The following OIT3 variants were observed in gnomAD, a reference collection of about 807,000 sequenced individuals.
OIT3 encodes the protein oncoprotein induced transcript 3, also known as oncoprotein-induced transcript 3 protein.
In OIT3, 41 loss-of-function variants were observed where a neutral mutation model predicts 52.2. That is an observed-to-expected ratio of 0.79 (90% CI 0.61 to 1.02). The LOEUF (loss-of-function observed/expected upper bound fraction) is 1.02, where lower values mean the gene tolerates loss of function less well. Ranked by LOEUF, OIT3 falls within the 50% of genes least tolerant of loss-of-function variation. The probability of loss-of-function intolerance (pLI) is 0.00; values close to 1 mark genes in which losing one functional copy is unlikely to be tolerated. For missense variants in OIT3, 634 were observed against 715.5 expected (o/e 0.89, Z 1.30); for synonymous variants, 244 against 276.9 (o/e 0.88, Z 1.18).
chr10:72,922,995 C>T (rs1215656904), intron 6 of OIT3, among the ~76,000 whole-genome samples: 1 of 152,178 alleles, frequency 6.6e-6, no homozygotes, highest in East Asian at 1.9e-4. Flanking sequence ...CCTGCCTCAG[C>T]CTCTTGAGTA....
At position 72,932,484 on chromosome 10, in the gene OIT3, C is replaced by A. The variant is rs145480078; in HGVS notation, c.1598C>A (p.Thr533Lys). The change falls in exon 9 of 9, where the codon ACG becomes AAG. Residue 533 changes from threonine (T) to lysine (K), a missense_variant. Thr to Lys is a moderately conservative substitution (Grantham distance 78). Transcript: ENST00000334011. ...GACTCAGCCGGTCTACAGGGCCAGA[C>A]GCTAACAGGCGGCCCGATCCGCATC... is the stretch of plus-strand genomic sequence containing the variant. ...GEDSAGLQGQ[T>K]LTGGPIRIDW... 6.2e-7 allele frequency: 1 copy of A among 1,612,892 alleles called. No homozygotes were observed. The highest frequency in any genetic ancestry group is 1.7e-4 in the Middle Eastern group (1 of 6,044).
At chr10:72,904,098 A>G (rs1245283465) in intron 3 of OIT3, among the ~76,000 whole-genome samples, 1 of 152,276 alleles carries the variant, frequency 6.6e-6, no homozygotes, top group East Asian at 1.9e-4. Context: ...ATGGAAAAGC[A>G]CTGTGAAAAT....
chr10:72,907,829 A>G (rs1375693290), intron 4 of OIT3, among the ~76,000 whole-genome samples: 1 of 152,244 alleles, frequency 6.6e-6, no homozygotes, highest in Non-Finnish European at 1.5e-5. Context: ...AACTAATAAA[A>G]AAGAATTCAT....
chr10:72,920,887 G>A (rs1029681331), intron 6 of OIT3, among the ~76,000 whole-genome samples: 3 of 152,174 alleles, frequency 2.0e-5, no homozygotes, highest in Admixed American at 2.0e-4. Flanking sequence ...GTGATGAGAA[G>A]AATGTATATT....
intron 2 of OIT3, 60 bp downstream of exon 2, chr10:72,899,098 G>T (rs1241679158): frequency 3.3e-6 from 5 of 1,509,208 alleles, no homozygotes; most frequent in Non-Finnish European, 4.5e-6. Context: ...GAGTCCAAAA[G>T]TGCCAATTAT....
chr10:72,929,050 A>T (rs1258409610), intron 7 of OIT3, among the ~76,000 whole-genome samples: 3 of 151,790 alleles, frequency 2.0e-5, no homozygotes, highest in Non-Finnish European at 4.4e-5. Context: ...CTCTACAAAA[A>T]ATGAAAATTA....
chr10:72,911,930 G>T (rs771452535), intron 5 of OIT3, 91 bp downstream of exon 5: 26 of 1,208,312 alleles, frequency 2.2e-5, no homozygotes, highest in Non-Finnish European at 2.9e-5. Context: ...AGTGTGTCAG[G>T]GTTCTCATCT....
At chr10:72,924,731 G>A in intron 7 of OIT3, 87 bp downstream of exon 7, 10 of 1,073,898 alleles carry the variant, frequency 9.3e-6, no homozygotes, top group Non-Finnish European at 1.3e-5. Context: ...TACTAAAACT[G>A]CATGGTACCA....
intron 2 of OIT3, 96 bp downstream of exon 2, chr10:72,899,134 A>G (rs751642830): frequency 1.3e-5 from 14 of 1,086,154 alleles, no homozygotes; most frequent in Non-Finnish European, 1.9e-5. Context: ...AGTGGCAACT[A>G]TATCTCAATC....
In OIT3 at chr10:72,898,882, CT is replaced by C; in HGVS notation, c.281del (p.Leu94GlnfsTer40). 1 of 1,614,148 alleles carries C rather than the reference CT, an allele frequency of 6.2e-7. No individual in the cohort carries two copies. Among genetic ancestry groups the C allele is most frequent in the Non-Finnish European group, 8.5e-7 (1 of 1,180,006 alleles). On this transcript the variant is annotated frameshift_variant, in exon 2 of 9. Transcript: ENST00000334011. LOFTEE classifies it high-confidence loss of function. Reference protein sequence around the residue: ...APVWLNGSHPLEGDGIVQRQA... With the variant: ...APVWLNGSHPXEGDGIVQRQA... ...TGTCTGGCTCAATGGCAGCCACCCCCTAGAAGGCGACGGCATTGTGCAACGC... is the reference window on the plus strand; with the variant it reads ...TGTCTGGCTCAATGGCAGCCACCCCCAGAAGGCGACGGCATTGTGCAACGC...
intron 3 of OIT3, among the ~76,000 whole-genome samples, chr10:72,904,398 G>A (rs1845960807): frequency 6.6e-6 from 1 of 152,104 alleles, no homozygotes; most frequent in African/African-American, 2.4e-5. Context: ...TGGAATAGAG[G>A]CTTCTAAGTG....
Position 72,913,395 on chromosome 10 carries a change from C to T in OIT3, c.878C>T (p.Ser293Phe). The T allele has an allele frequency of 6.2e-7, 1 of 1,613,774 alleles. No individual in the cohort carries two copies. The highest frequency in any genetic ancestry group is 8.5e-7 in the Non-Finnish European group (1 of 1,179,708). The change falls in exon 6 of 9, where the codon TCC becomes TTC. Residue 293 changes from serine to phenylalanine, a missense_variant. Physicochemically the swap from Ser to Phe is radical, Grantham distance 155. Coordinates refer to ENST00000334011, the MANE Select transcript of OIT3 (RefSeq NM_152635.3). Reference protein sequence around the residue: ...GGLELFLTNTSCRGVSNGTHV... With the variant: ...GGLELFLTNTFCRGVSNGTHV... Reference sequence around the variant, plus strand: ...CTGGAGCTCTTCCTGACCAACACCTCCTGCCGAGGAGTGTCCAACGGCACC... The same window carrying T: ...CTGGAGCTCTTCCTGACCAACACCTTCTGCCGAGGAGTGTCCAACGGCACC...
intron 8 of OIT3, among the ~76,000 whole-genome samples, chr10:72,931,060 A>G (rs1288833281): frequency 6.6e-6 from 1 of 152,206 alleles, no homozygotes; most frequent in African/African-American, 2.4e-5. Flanking sequence ...ATAAGACACC[A>G]TTTTATACAT....
rs533378532 is a variant in OIT3, at chr10:72,922,376, C to T, written c.952-1853C>T. On this transcript the variant is annotated intron_variant, in intron 6 of 8. Transcript: ENST00000334011. The stretch of plus-strand genomic sequence containing the variant: ...ATATTTCTCGGAGGTTTTGTTCATT[C>T]CTTTTTATTCCTTTTTCTCTATTCT... 3.9e-5 allele frequency among the ~76,000 whole-genome samples: 6 copies of T among 152,054 alleles called. No individual in the cohort carries two copies. In the South Asian group the frequency reaches 1.2e-3, roughly 32 times the overall value.
chr10:72,925,779 C>CT (rs1264949413), intron 7 of OIT3, among the ~76,000 whole-genome samples: 1 of 151,956 alleles, frequency 6.6e-6, no homozygotes, highest in Non-Finnish European at 1.5e-5. Context: ...CCAGCTAATT[C>CT]TTTTTTTTCT....
At chr10:72,912,309 G>A (rs1434428444) in intron 5 of OIT3, among the ~76,000 whole-genome samples, 1 of 119,778 alleles carries the variant, frequency 8.3e-6, no homozygotes, top group Non-Finnish European at 1.6e-5. Context: ...TCACTCTGTT[G>A]CTCAGGTGGA....
At chr10:72,921,127 C>T (rs551720205) in intron 6 of OIT3, among the ~76,000 whole-genome samples, 4 of 152,250 alleles carry the variant, frequency 2.6e-5, no homozygotes, top group African/African-American at 4.8e-5. Flanking sequence ...TATATATTTA[C>T]GATAGTTAGC....
At chr10:72,894,334 A>G (rs983632070) in intron 1 of OIT3, among the ~76,000 whole-genome samples, 5 of 152,218 alleles carry the variant, frequency 3.3e-5, no homozygotes, top group Non-Finnish European at 7.3e-5. Context: ...GATCGAGTGA[A>G]TCTTAAATTG....
intron 1 of OIT3, among the ~76,000 whole-genome samples, chr10:72,894,836 C>T (rs541834890): frequency 4.6e-5 from 7 of 152,002 alleles, no homozygotes; most frequent in East Asian, 1.9e-4. Flanking sequence ...TGCAGTGAGC[C>T]GAGATCGAAC....
Sources: gnomAD v4.1 joint callset for allele counts (sites outside exome capture counted in the v4.1 genomes callset) on GRCh38, gnomAD v4.1.1 for gene constraint, MANE v1.5 for transcripts, NCBI Gene and HGNC (gene_info 2026-07-23, HGNC 2026-07-21) for gene names.